RAD17: variants seen among roughly 807,000 people sequenced by gnomAD.
RAD17 encodes cell cycle checkpoint protein RAD17.
Under a neutral mutation model 81.5 loss-of-function variants are expected in RAD17, and 31 were observed. That is an observed-to-expected ratio of 0.38 (90% confidence interval 0.29 to 0.51). RAD17 has a LOEUF of 0.51. Ranked by LOEUF, RAD17 falls within the 20% of genes least tolerant of loss-of-function variation. The probability of loss-of-function intolerance (pLI) is 0.88; values close to 1 mark genes in which losing one functional copy is unlikely to be tolerated. For missense variants in RAD17, 681 were observed against 781.2 expected (o/e 0.87, Z 1.53); for synonymous variants, 261 against 266.2 (o/e 0.98, Z 0.19).
intron 8 of RAD17, 151 bp downstream of exon 8, chr5:69,385,084 G>A (rs538324438): frequency 1.0e-3 from 652 of 625,970 alleles, no homozygotes; most frequent in Non-Finnish European, 1.2e-3. Flanking sequence ...CTCAGCCTCC[G>A]GAGTAGCTGG....
At chr5:69,399,441 T>A (rs544215885) in intron 16 of RAD17, among the ~76,000 whole-genome samples, 14 of 152,304 alleles carry the variant, frequency 9.2e-5, no homozygotes, top group African/African-American at 3.4e-4. Context: ...GACTGGGTCG[T>A]CTCTGAGATG....
chr5:69,412,861 C>G (rs573526620), intron 18 of RAD17, among the ~76,000 whole-genome samples: 1 of 151,544 alleles, frequency 6.6e-6, no homozygotes, highest in Non-Finnish European at 1.5e-5. Context: ...TGGTGGTGCC[C>G]GCGTGTAATC....
chr5:69,409,003 A>T (rs539695840), intron 17 of RAD17, among the ~76,000 whole-genome samples: 1 of 152,274 alleles, frequency 6.6e-6, no homozygotes, highest in South Asian at 2.1e-4. Context: ...GCTTATGTTT[A>T]GCTTGTTCTT....
chr5:69,380,194 A>G (rs543426555), intron 6 of RAD17, among the ~76,000 whole-genome samples: 2 of 151,294 alleles, frequency 1.3e-5, no homozygotes, highest in Non-Finnish European at 3.0e-5. Context: ...TTTTTTTTTT[A>G]AAAAACAAGT....
chr5:69,381,645 T>G (rs1232703686), intron 6 of RAD17, among the ~76,000 whole-genome samples: 1 of 152,034 alleles, frequency 6.6e-6, no homozygotes, highest in African/African-American at 2.4e-5. Context: ...GAATTGAGAG[T>G]TGAAGAATTA....
chr5:69,398,868 TAAAA>T (rs72281552), intron 16 of RAD17, among the ~76,000 whole-genome samples: 1 of 109,870 alleles, frequency 9.1e-6, no homozygotes, highest in Non-Finnish European at 1.8e-5. Flanking sequence ...ATCTCCTGGT[TAAAA>T]AAAAAAAAAA....
At chr5:69,407,131 TA>T (rs1765655037) in intron 17 of RAD17, among the ~76,000 whole-genome samples, 1 of 151,316 alleles carries the variant, frequency 6.6e-6, no homozygotes, top group Admixed American at 6.6e-5. Flanking sequence ...GCCTCCTGAG[TA>T]GCTTGAATTA....
chr5:69,377,437 GTGTATATATATATATATATATA>G lies in RAD17; in HGVS notation c.351+2728_351+2749del, dbSNP rs1179738731. 3.9e-4 allele frequency among the ~76,000 whole-genome samples: 10 copies of G among 25,772 alleles called. No homozygotes were observed. The Admixed American group carries it at 4.7e-3, about 12-fold the overall frequency. The allele number at this position is 25,772 out of a possible 152,430, so 16.9% of individuals were successfully genotyped here. A position where few individuals can be genotyped will look rare whatever the true frequency, so the allele number is the denominator to read the frequency against. On this transcript the variant is annotated intron_variant, in intron 6 of 18. Transcript: ENST00000354868. ...TAGGTATATGTGTGTGTGTGTGTGT[GTGTATATATATATATATATATA>G]TATATATATATATATACACACACAC... is the stretch of plus-strand genomic sequence containing the variant.
intron 17 of RAD17, among the ~76,000 whole-genome samples, chr5:69,406,188 C>G (rs1267337486): frequency 6.6e-6 from 1 of 152,070 alleles, no homozygotes; most frequent in Admixed American, 6.6e-5. Flanking sequence ...TATATATACA[C>G]AGTGGAATAC....
At chr5:69,396,939 TCTC>T (rs1764930251) in intron 16 of RAD17, among the ~76,000 whole-genome samples, 1 of 152,158 alleles carries the variant, frequency 6.6e-6, no homozygotes. Flanking sequence ...TTCAAGCAGT[TCTC>T]CTGCCTCAGC....
At chr5:69,397,506 G>A (rs937551102) in intron 16 of RAD17, among the ~76,000 whole-genome samples, 2 of 152,108 alleles carry the variant, frequency 1.3e-5, no homozygotes, top group African/African-American at 2.4e-5. Flanking sequence ...GCTCACACCT[G>A]TAATCCCAGC....
intron 17 of RAD17, among the ~76,000 whole-genome samples, chr5:69,406,998 GAT>G (rs1491222419): frequency 8.2e-6 from 1 of 122,586 alleles, no homozygotes; most frequent in Non-Finnish European, 1.7e-5. Context: ...GTTTGTAGTA[GAT>G]TTTTTTTTTT....
chr5:69,379,917 G>C (rs967548410), intron 6 of RAD17, among the ~76,000 whole-genome samples: 2 of 149,064 alleles, frequency 1.3e-5, no homozygotes, highest in South Asian at 2.1e-4. Flanking sequence ...TTTCACTCTT[G>C]TTGCCCAGGC....
chr5:69,378,683 TTTTA>T (rs1406661993), intron 6 of RAD17, among the ~76,000 whole-genome samples: 2 of 152,212 alleles, frequency 1.3e-5, no homozygotes, highest in Non-Finnish European at 2.9e-5. Context: ...GTATATGTGT[TTTTA>T]TTTAAAGTTA....
intron 7 of RAD17, among the ~76,000 whole-genome samples, chr5:69,383,222 C>T (rs900400418): frequency 5.9e-5 from 9 of 151,908 alleles, no homozygotes; most frequent in African/African-American, 2.2e-4. Flanking sequence ...ATCTCCTAGG[C>T]CATTTTGAAG....
chr5:69,369,310 G>A (rs1429200741), upstream of RAD17: 1 of 547,066 alleles, frequency 1.8e-6, no homozygotes, highest in East Asian at 8.7e-5. Flanking sequence ...ACGCCCGCGA[G>A]GGTCGGCTCC....
chr5:69,377,326 C>G (rs1763398797), intron 6 of RAD17, among the ~76,000 whole-genome samples: 1 of 149,816 alleles, frequency 6.7e-6, no homozygotes, highest in African/African-American at 2.5e-5. Context: ...TGTTTTCTCA[C>G]TTAGCAATAC....
At chr5:69,379,942 G>A (rs1022121179) in intron 6 of RAD17, among the ~76,000 whole-genome samples, 1 of 151,392 alleles carries the variant, frequency 6.6e-6, no homozygotes, top group African/African-American at 2.4e-5. Flanking sequence ...GTGCAGTGGT[G>A]CAATTTTGGC....
rs1046364176 is a variant in RAD17 at position 69,382,440 on chromosome 5, G to A, written c.508+383G>A. On this transcript the variant is annotated intron_variant, in intron 7 of 18. Transcript: ENST00000354868. ...AGCCTGGGCAACAGAATGAGACATT[G>A]TCTCAAAAAATAAATAAATAAAAGT... Among the ~76,000 whole-genome samples, 3 of 152,268 alleles carry A rather than the reference G, an allele frequency of 2.0e-5. No homozygotes were observed. The South Asian group carries it at 6.2e-4, about 32-fold the overall frequency.
Sources: gnomAD v4.1 joint callset for allele counts (sites outside exome capture counted in the v4.1 genomes callset) on GRCh38, gnomAD v4.1.1 for gene constraint, MANE v1.5 for transcripts, NCBI Gene and HGNC (gene_info 2026-07-23, HGNC 2026-07-21) for gene names.